Variants in FERMT2 observed in about 807,000 individuals in gnomAD.
FERMT2 encodes fermitin family homolog 2.
A neutral mutation model predicts 82.7 loss-of-function variants in FERMT2; 15 were observed. The observed-to-expected ratio is 0.18, with a 90% CI of 0.12 to 0.28. FERMT2 has a LOEUF of 0.28. FERMT2 is among the 10% of genes least tolerant of loss of function. The pLI, the probability that FERMT2 is intolerant of heterozygous loss-of-function variation, is 1.00. For synonymous variants in FERMT2, 274 were observed against 271.5 expected (o/e 1.01, Z -0.09); for missense variants, 645 against 809.4 (o/e 0.80, Z 2.46).
At chr14:52,920,572 T>A (rs2139643709) in intron 2 of FERMT2, among the ~76,000 whole-genome samples, 1 of 152,148 alleles carries the variant, frequency 6.6e-6, no homozygotes, top group Non-Finnish European at 1.5e-5. Context: ...AGGTCAAGGT[T>A]GCAGCGAGCT....
At chr14:52,865,800 A>G (rs1191720893) in intron 10 of FERMT2, among the ~76,000 whole-genome samples, 1 of 152,218 alleles carries the variant, frequency 6.6e-6, no homozygotes, top group East Asian at 1.9e-4. Context: ...TTCCCTGTCT[A>G]CATAAATATT....
chr14:52,902,898 AACACTGAAAATTAAAATGTGATAGCCAC>A (rs1887755588), intron 3 of FERMT2, among the ~76,000 whole-genome samples: 1 of 136,406 alleles, frequency 7.3e-6, no homozygotes, highest in Non-Finnish European at 1.6e-5. Context: ...AAAACCCCAA[AACACTGAAAATTAAAATGTGATAGCCAC>A]CAAAAAAAAA....
intron 2 of FERMT2, among the ~76,000 whole-genome samples, chr14:52,930,273 T>C (rs1236546742): frequency 2.0e-5 from 3 of 152,154 alleles, no homozygotes; most frequent in Admixed American, 2.0e-4. Context: ...CTCAAGACAA[T>C]CTCTATTGTG....
intron 4 of FERMT2, among the ~76,000 whole-genome samples, chr14:52,888,271 G>C (rs377731601): frequency 2.6e-5 from 4 of 152,112 alleles, no homozygotes; most frequent in Admixed American, 6.5e-5. Context: ...ATTAGTATTC[G>C]TATTAGATGT....
chr14:52,919,730 A>G (rs1179342768), intron 2 of FERMT2, among the ~76,000 whole-genome samples: 1 of 152,234 alleles, frequency 6.6e-6, no homozygotes, highest in Non-Finnish European at 1.5e-5. Flanking sequence ...GGAATGGACA[A>G]TAACATTCTG....
intron 3 of FERMT2, among the ~76,000 whole-genome samples, chr14:52,917,932 G>C (rs985463526): frequency 3.3e-5 from 5 of 152,212 alleles, no homozygotes; most frequent in Admixed American, 2.6e-4. Flanking sequence ...TACAGGAGCA[G>C]CATTTGCCCA....
chr14:52,902,864 GTC>G, intron 3 of FERMT2, among the ~76,000 whole-genome samples: 1 of 10,546 alleles, frequency 9.5e-5, no homozygotes, highest in East Asian at 5.6e-3. Context: ...GCAAGACTCC[GTC>G]TCAAAAAAAA....
chr14:52,862,934 GCT>G (rs1885042990), intron 12 of FERMT2: 1 of 152,182 alleles, frequency 6.6e-6, no homozygotes, highest in South Asian at 2.1e-4. Flanking sequence ...TCTCGTTTAA[GCT>G]CTTTTATCTC....
intron 2 of FERMT2, among the ~76,000 whole-genome samples, chr14:52,944,651 C>T (rs1397827448): frequency 6.6e-6 from 1 of 152,168 alleles, no homozygotes; most frequent in Non-Finnish European, 1.5e-5. Flanking sequence ...AGCTATTTTC[C>T]ACTTCTGTGA....
chr14:52,914,790 CG>C (rs1445437420), intron 3 of FERMT2, among the ~76,000 whole-genome samples: 1 of 151,938 alleles, frequency 6.6e-6, no homozygotes, highest in Non-Finnish European at 1.5e-5. Context: ...TATGATGGTG[CG>C]CAACTGTAGT....
intron 10 of FERMT2, among the ~76,000 whole-genome samples, chr14:52,865,522 C>G (rs565281218): frequency 6.6e-6 from 1 of 152,168 alleles, no homozygotes; most frequent in Non-Finnish European, 1.5e-5. Context: ...CATTTAACTT[C>G]TGTAAGTCGA....
Position 52,858,548 on chromosome 14 carries a change from G to C in FERMT2, c.1872C>G (p.Val624=), listed in dbSNP as rs774241384. The change falls in exon 15 of 15, where the codon GTC becomes GTG. Residue 624 remains valine, a splice_region_variant and synonymous_variant. Transcript: ENST00000341590. ...QWNVNWEIKM[V]TVEFADEVRL... ...GTACTTCATCTGCAAACTCTACGGTGACCTGGAACAAAGACAAGAGCCATC... is the reference window on the plus strand; with the variant it reads ...GTACTTCATCTGCAAACTCTACGGTCACCTGGAACAAAGACAAGAGCCATC... 1 of 1,613,806 alleles carries C rather than the reference G, an allele frequency of 6.2e-7. No homozygotes were observed. The highest frequency in any genetic ancestry group is 1.1e-5 in the South Asian group (1 of 91,030).
chr14:52,870,340 C>T (rs1373167013), intron 10 of FERMT2, among the ~76,000 whole-genome samples: 1 of 151,874 alleles, frequency 6.6e-6, no homozygotes, highest in Non-Finnish European at 1.5e-5. Context: ...AGCTCCACCT[C>T]CCAGGTTCAA....
intron 3 of FERMT2, among the ~76,000 whole-genome samples, chr14:52,917,529 C>A (rs533918770): frequency 6.6e-5 from 10 of 151,714 alleles, no homozygotes; most frequent in Non-Finnish European, 1.2e-4. Flanking sequence ...TAATAAAAAC[C>A]CTGTTTCACT....
intron 2 of FERMT2, among the ~76,000 whole-genome samples, chr14:52,930,381 T>C (rs1358441157): frequency 6.6e-6 from 1 of 152,182 alleles, no homozygotes; most frequent in Admixed American, 6.6e-5. Flanking sequence ...ATACAATAAA[T>C]TACCCAACCA....
At chr14:52,887,062 A>G (rs1378259073) in intron 4 of FERMT2, among the ~76,000 whole-genome samples, 2 of 152,214 alleles carry the variant, frequency 1.3e-5, no homozygotes, top group Admixed American at 1.3e-4. Flanking sequence ...AATATTTACT[A>G]TAAGCATGTG....
chr14:52,930,227 C>T (rs1014187893), intron 2 of FERMT2, among the ~76,000 whole-genome samples: 9 of 152,174 alleles, frequency 5.9e-5, no homozygotes, highest in Non-Finnish European at 1.2e-4. Context: ...ACATCCTGTT[C>T]TCTCTCACAT....
chr14:52,944,440 C>T (rs996012205), intron 2 of FERMT2, among the ~76,000 whole-genome samples: 1 of 152,234 alleles, frequency 6.6e-6, no homozygotes, highest in African/African-American at 2.4e-5. Context: ...AATAAGCACA[C>T]ACCTTCCCCA....
chr14:52,867,098 CTTT>C (rs541511056), intron 10 of FERMT2, among the ~76,000 whole-genome samples: 3 of 141,182 alleles, frequency 2.1e-5, no homozygotes, highest in Middle Eastern at 3.3e-3. Flanking sequence ...GCTTTGCCTC[CTTT>C]TTTTTTTTTT....
Sources: gnomAD v4.1 joint callset for allele counts (sites outside exome capture counted in the v4.1 genomes callset) on GRCh38, gnomAD v4.1.1 for gene constraint, MANE v1.5 for transcripts, NCBI Gene and HGNC (gene_info 2026-07-23, HGNC 2026-07-21) for gene names.